The following TBC1D25 variants were observed in gnomAD, a reference collection of about 807,000 sequenced individuals.
The protein encoded by TBC1D25 is 5SN3 snoRNA.
TBC1D25 carries 13 observed loss-of-function variants against 38.8 expected under a neutral mutation model. That is an observed-to-expected ratio of 0.34 (90% CI 0.22 to 0.53). TBC1D25 has a LOEUF of 0.53. Among genes scored for constraint, TBC1D25 ranks in the 20% least tolerant of loss-of-function variants. TBC1D25 has a pLI of 0.94. For synonymous variants in TBC1D25, 225 were observed against 255.6 expected (o/e 0.88, Z 1.14); for missense variants, 372 against 600.0 (o/e 0.62, Z 3.97).
At chrX:48,550,661 CT>C (rs781811688) in intron 3 of TBC1D25, among the ~76,000 whole-genome samples, 90 of 73,974 alleles carry the variant, frequency 1.2e-3, no homozygotes, top group South Asian at 1.4e-3. Context: ...TTTGTCTTAA[CT>C]TTTTTTTTTT....
At position 48,559,719 on chromosome X, in the gene TBC1D25, G is replaced by A. The variant is rs782642977; in HGVS notation, c.811G>A (p.Glu271Lys). The A allele has an allele frequency of 2.5e-6, 3 of 1,211,858 alleles. No individual in the cohort carries two copies. The highest frequency in any genetic ancestry group is 3.3e-6 in the Non-Finnish European group (3 of 895,531). ...CCGCGAGTATGAGCAGCTCAAGAGC[G>A]AGTGGGCCCAGCGAGCGAACCCTGA... ...KSREYEQLKS[E>K]WAQRANPEDL... Residue 271 changes from glutamate (E) to lysine (K), a missense_variant, in exon 6 of 6, where the codon GAG (glutamate) becomes AAG (lysine). Physicochemically the swap from Glu to Lys is moderately conservative, Grantham distance 56. Coordinates refer to ENST00000376771, the MANE Select transcript of TBC1D25 (RefSeq NM_002536.4).
At chrX:48,558,498 C>T (rs1034571196) in intron 3 of TBC1D25, among the ~76,000 whole-genome samples, 6 of 111,643 alleles carry the variant, frequency 5.4e-5, no homozygotes, top group African/African-American at 1.6e-4. Flanking sequence ...TAGTACTCAA[C>T]CGATAGGACT....
intron 3 of TBC1D25, among the ~76,000 whole-genome samples, chrX:48,549,055 C>CT (rs1399496824): frequency 8.9e-6 from 1 of 111,961 alleles, no homozygotes; most frequent in Non-Finnish European, 1.9e-5. Flanking sequence ...CGATATGAAT[C>CT]TTTTTTCTTT....
rs1382280740 is a variant in TBC1D25 at position 48,560,021 on chromosome X, C to T, written c.1113C>T (p.Arg371=). 9 of 1,210,505 alleles carry T rather than the reference C, an allele frequency of 7.4e-6. No homozygotes were observed. The highest frequency in any genetic ancestry group is 2.3e-4 in the Middle Eastern group (1 of 4,351). Residue 371 remains arginine (R), a synonymous_variant, in exon 6 of 6, where the codon CGC becomes CGT. Coordinates refer to ENST00000376771, the MANE Select transcript of TBC1D25 (RefSeq NM_002536.4). ...CCGCCAACTTCCACCCTGACGGCCG[C>T]GCCATGGCCACCAAGTTTGCACACT... ...RLAANFHPDG[R]AMATKFAHLK...
At chrX:48,549,062 C>G (rs1172602563) in intron 3 of TBC1D25, among the ~76,000 whole-genome samples, 1 of 111,940 alleles carries the variant, frequency 8.9e-6, no homozygotes, top group Non-Finnish European at 1.9e-5. Context: ...AATCTTTTTT[C>G]TTTTTGAGAC....
intron 3 of TBC1D25, among the ~76,000 whole-genome samples, chrX:48,553,900 G>A (rs1355899255): frequency 9.2e-6 from 1 of 108,739 alleles, no homozygotes; most frequent in Non-Finnish European, 1.9e-5. Flanking sequence ...CTGGGATTAG[G>A]CTGGGCATGG....
intron 1 of TBC1D25, 123 bp downstream of exon 1, chrX:48,540,043 G>A: frequency 1.1e-6 from 1 of 887,156 alleles, no homozygotes; most frequent in African/African-American, 2.1e-5. Context: ...CGAAGCTTGA[G>A]GGCCAAGTGA....
At chrX:48,551,099 A>G (rs2061928299) in intron 3 of TBC1D25, among the ~76,000 whole-genome samples, 1 of 111,840 alleles carries the variant, frequency 8.9e-6, no homozygotes, top group African/African-American at 3.2e-5. Context: ...GAAGTTTGAC[A>G]ATTTTATGAT....
Position 48,560,970 on chromosome X carries a change from T to A in TBC1D25, c.2062T>A (p.Ser688Thr). ...SEEGAEATAA[S>T] The stretch of plus-strand genomic sequence containing the variant: ...GGAGGGGGCTGAGGCCACAGCCGCA[T>A]CTTGATCAGGCTTTCTCAAGCCCTC... The change falls in exon 6 of 6, where the codon TCT (serine) becomes ACT (threonine). Residue 688 changes from serine (S) to threonine (T), a missense_variant. Ser to Thr is a moderately conservative substitution (Grantham distance 58). Transcript: ENST00000376771. The A allele has an allele frequency of 6.7e-6, 8 of 1,189,360 alleles. No individual in the cohort carries two copies. The highest frequency in any genetic ancestry group is 9.0e-6 in the Non-Finnish European group (8 of 884,779).
At chrX:48,555,488 C>T (rs936516071) in intron 3 of TBC1D25, among the ~76,000 whole-genome samples, 1 of 112,531 alleles carries the variant, frequency 8.9e-6, no homozygotes, top group African/African-American at 3.2e-5. Flanking sequence ...TGCAGTGGCT[C>T]ACGCCTGTAA....
At chrX:48,557,330 A>G (rs781985041) in intron 3 of TBC1D25, among the ~76,000 whole-genome samples, 1 of 111,384 alleles carries the variant, frequency 9.0e-6, no homozygotes, top group African/African-American at 3.3e-5. Flanking sequence ...CAACATAGCG[A>G]AACCTCATCT....
chrX:48,543,883 C>CAAA (rs56088321), intron 2 of TBC1D25, among the ~76,000 whole-genome samples: 1 of 72,681 alleles, frequency 1.4e-5, no homozygotes. Flanking sequence ...GACTCCGTCT[C>CAAA]AAAAAAAAAA....
chrX:48,552,209 C>T (rs781854043), intron 3 of TBC1D25, among the ~76,000 whole-genome samples: 32 of 110,382 alleles, frequency 2.9e-4, no homozygotes, highest in African/African-American at 6.9e-4. Context: ...CTTTTTGACA[C>T]GTAGTCTCGC....
At chrX:48,541,614 C>G in intron 2 of TBC1D25, 172 bp downstream of exon 2, 1 of 508,648 alleles carries the variant, frequency 2.0e-6, no homozygotes, top group Non-Finnish European at 3.4e-6. Context: ...TGTGGTTTTG[C>G]TTTCTGCAGT....
intron 3 of TBC1D25, among the ~76,000 whole-genome samples, chrX:48,552,226 G>A (rs1190786192): frequency 9.1e-6 from 1 of 110,486 alleles, no homozygotes; most frequent in African/African-American, 3.3e-5. Context: ...TCGCTCTGTC[G>A]CCCAGACTGG....
At position 48,559,907 on chromosome X, in the gene TBC1D25, C is replaced by T. The variant is rs1556985605; in HGVS notation, c.999C>T (p.Gly333=). Reference sequence around the variant, plus strand: ...ACCCACAGGTGTCCTACTGCCAGGGCATGAGTGACCTTGCCTCACCCATCC... The same window carrying T: ...ACCCACAGGTGTCCTACTGCCAGGGTATGAGTGACCTTGCCTCACCCATCC... ...VTHPQVSYCQ[G]MSDLASPILA... Residue 333 remains glycine (G), a synonymous_variant, in exon 6 of 6, where the codon GGC becomes GGT. Transcript: ENST00000376771. 8.3e-7 allele frequency: 1 copy of T among 1,211,897 alleles called. No homozygotes were observed. The highest frequency in any genetic ancestry group is 1.8e-5 in the South Asian group (1 of 57,014).
At chrX:48,551,727 G>A (rs1396657813) in intron 3 of TBC1D25, among the ~76,000 whole-genome samples, 3 of 108,286 alleles carry the variant, frequency 2.8e-5, no homozygotes, top group African/African-American at 1.0e-4. Flanking sequence ...AGGTTCAAGC[G>A]ATTCTCCTTA....
intron 5 of TBC1D25, 41 bp from the exon 6 acceptor site, chrX:48,559,573 A>T (rs781957239): frequency 4.2e-6 from 5 of 1,186,847 alleles, no homozygotes; most frequent in Non-Finnish European, 5.7e-6. Context: ...GGTATGGTTT[A>T]TCTGGAGAAC....
At chrX:48,552,353 AT>A (rs782173319) in intron 3 of TBC1D25, among the ~76,000 whole-genome samples, 12,202 of 80,042 alleles carry the variant, frequency 0.15, 2,078 homozygotes, top group African/African-American at 0.45. Context: ...TGCCCGGCTA[AT>A]TTTTTTTTTT....
Sources: allele counts gnomAD v4.1 joint callset (sites outside exome capture counted in the v4.1 genomes callset), GRCh38; gene constraint gnomAD v4.1.1; transcripts MANE v1.5; gene names NCBI Gene and HGNC (gene_info 2026-07-23, HGNC 2026-07-21).